CDH1: variants seen among roughly 807,000 people sequenced by gnomAD.
The protein encoded by CDH1 is cadherin 1.
CDH1 carries 35 observed loss-of-function variants against 84.5 expected under a neutral mutation model. That is an observed-to-expected ratio of 0.41 (90% CI 0.32 to 0.55). The LOEUF is 0.55. Among genes scored for constraint, CDH1 ranks in the 20% least tolerant of loss-of-function variants. The probability of loss-of-function intolerance (pLI) is 0.19; values close to 1 mark genes in which losing one functional copy is unlikely to be tolerated. For synonymous variants in CDH1, 417 were observed against 439.0 expected, an observed-to-expected ratio of 0.95 and a Z score of 0.63; for missense variants, 994 against 1,126.6, an observed-to-expected ratio of 0.88 and a Z score of 1.68.
chr16:68,742,069 T>C (rs762698884), intron 2 of CDH1, among the ~76,000 whole-genome samples: 20 of 152,260 alleles, frequency 1.3e-4, no homozygotes, highest in Non-Finnish European at 2.5e-4. Flanking sequence ...ATCTCTGAAG[T>C]ATTAGCCTAG....
At chr16:68,807,569 G>C (rs1259975624) in intron 3 of CDH1, among the ~76,000 whole-genome samples, 1 of 152,016 alleles carries the variant, frequency 6.6e-6, no homozygotes, top group East Asian at 1.9e-4. Context: ...GATGCCTGTA[G>C]TTCCAGCTAC....
At chr16:68,830,325 G>A (rs1961454243) in intron 15 of CDH1, among the ~76,000 whole-genome samples, 1 of 152,016 alleles carries the variant, frequency 6.6e-6, no homozygotes, top group Admixed American at 6.6e-5. Context: ...AGTCCATGTG[G>A]CAAAACCAAC....
intron 2 of CDH1, among the ~76,000 whole-genome samples, chr16:68,753,691 C>T (rs532936247): frequency 2.0e-5 from 3 of 152,224 alleles, no homozygotes; most frequent in South Asian, 4.1e-4. Context: ...AGGGTAATGG[C>T]TTAATGGGTA....
At chr16:68,809,540 T>C (rs1960762454) in intron 5 of CDH1, among the ~76,000 whole-genome samples, 1 of 151,610 alleles carries the variant, frequency 6.6e-6, no homozygotes, top group Non-Finnish European at 1.5e-5. Flanking sequence ...ATTTTTGTTT[T>C]TTTGAGACCG....
intron 3 of CDH1, 41 bp from the exon 4 acceptor site, chr16:68,808,383 T>C (rs1462026114): frequency 6.2e-7 from 1 of 1,612,744 alleles, no homozygotes; most frequent in Admixed American, 1.7e-5. Context: ...AGTATCCGTC[T>C]TGAATTGTCT....
intron 2 of CDH1, among the ~76,000 whole-genome samples, chr16:68,760,349 A>G (rs999561603): frequency 2.9e-5 from 4 of 137,154 alleles, no homozygotes; most frequent in Non-Finnish European, 4.6e-5. Flanking sequence ...TCCTGACCCC[A>G]TGATCCTCCC....
chr16:68,798,557 G>A (rs1960420959), intron 2 of CDH1, among the ~76,000 whole-genome samples: 1 of 152,222 alleles, frequency 6.6e-6, no homozygotes, highest in South Asian at 2.1e-4. Flanking sequence ...CCACCATTAA[G>A]ATGAGGTGCC....
At chr16:68,753,095 C>G (rs1962925858) in intron 2 of CDH1, among the ~76,000 whole-genome samples, 1 of 151,530 alleles carries the variant, frequency 6.6e-6, no homozygotes, top group African/African-American at 2.4e-5. Context: ...CGCCTGTAAT[C>G]CCAGCACTTC....
intron 15 of CDH1, 76 bp from the exon 16 acceptor site, chr16:68,833,214 T>G (rs1961530036): frequency 1.5e-6 from 2 of 1,290,966 alleles, no homozygotes; most frequent in Admixed American, 3.4e-5. Flanking sequence ...ACCTTACATA[T>G]TGCTAGACTT....
At chr16:68,816,250 T>C (rs1354097105) in intron 10 of CDH1, among the ~76,000 whole-genome samples, 1 of 152,186 alleles carries the variant, frequency 6.6e-6, no homozygotes, top group African/African-American at 2.4e-5. Flanking sequence ...ACTTCTGACC[T>C]CAAGTGATCT....
intron 2 of CDH1, chr16:68,770,945 G>A (rs1959555960): frequency 6.6e-6 from 1 of 151,852 alleles, no homozygotes; most frequent in Admixed American, 6.6e-5. Flanking sequence ...CTTCCACCGA[G>A]ACGAAGTGAT....
rs535178883 is a variant in CDH1, at chr16:68,834,240, C to T, written c.*741C>T. On this transcript the variant is annotated 3_prime_UTR_variant, in exon 16 of 16. Transcript: ENST00000261769. The stretch of plus-strand genomic sequence containing the variant: ...GAGTATTGGGATTACAGACATGAGC[C>T]ACTGCACCTGCCCAGCTCCCCAACT... 7 of 507,894 alleles carry T rather than the reference C, an allele frequency of 1.4e-5. No individual in the cohort carries two copies. In the East Asian group the frequency reaches 2.2e-4, roughly 16 times the overall value. 31.5% of individuals were successfully genotyped at this position (507,894 alleles called of 1,614,324 possible).
chr16:68,812,041 T>C (rs1960850680), intron 7 of CDH1, 94 bp from the exon 8 acceptor site: 1 of 1,582,582 alleles, frequency 6.3e-7, no homozygotes, highest in African/African-American at 1.3e-5. Flanking sequence ...ATGAAGCACA[T>C]GGTTAAATAT....
At chr16:68,794,972 G>A (rs1960319613) in intron 2 of CDH1, among the ~76,000 whole-genome samples, 1 of 151,974 alleles carries the variant, frequency 6.6e-6, no homozygotes, top group Admixed American at 6.6e-5. Context: ...GATTACAGGC[G>A]TGAGCCACCG....
At chr16:68,769,466 CT>C (rs56958523) in intron 2 of CDH1, among the ~76,000 whole-genome samples, 74,107 of 146,248 alleles carry the variant, frequency 0.51, 19,136 homozygotes, top group Non-Finnish European at 0.59. Context: ...AATGGAATTT[CT>C]TTTTTTTTTT....
chr16:68,772,750 C>A (rs1173928396), intron 2 of CDH1, among the ~76,000 whole-genome samples: 1 of 152,084 alleles, frequency 6.6e-6, no homozygotes, highest in Non-Finnish European at 1.5e-5. Context: ...GCCTGGGCAA[C>A]AGAGTGAGAC....
intron 2 of CDH1, among the ~76,000 whole-genome samples, chr16:68,789,718 T>TG (rs1483645630): frequency 2.0e-5 from 3 of 152,184 alleles, no homozygotes; most frequent in Admixed American, 1.3e-4. Flanking sequence ...CCTGGACATC[T>TG]GGATTCAGTT....
chr16:68,760,256 C>T lies in CDH1; in HGVS notation c.163+21845C>T, dbSNP rs1041651219. On this transcript the variant is annotated intron_variant, in intron 2 of 15. Transcript: ENST00000261769. The stretch of plus-strand genomic sequence containing the variant: ...CTGGGACTATAGGTGCCCAACACCA[C>T]GCCCAGCTAATTTTTTTTTTTTTTT... Among the ~76,000 whole-genome samples the T allele has an allele frequency of 5.1e-5, 7 of 137,362 alleles. 1 individual carries two copies. The highest frequency in any genetic ancestry group is 1.7e-4 in the African/African-American group (6 of 35,314). 90.1% of individuals were successfully genotyped at this position (137,362 alleles called of 152,430 possible).
At chr16:68,826,369 A>G (rs1215749764) in intron 13 of CDH1, among the ~76,000 whole-genome samples, 1 of 151,816 alleles carries the variant, frequency 6.6e-6, no homozygotes, top group Non-Finnish European at 1.5e-5. Context: ...TTGGTCTCAA[A>G]CTCTTGAGCT....
Sources: gnomAD v4.1 joint callset for allele counts (sites outside exome capture counted in the v4.1 genomes callset) on GRCh38, gnomAD v4.1.1 for gene constraint, MANE v1.5 for transcripts, NCBI Gene and HGNC (gene_info 2026-07-23, HGNC 2026-07-21) for gene names.